SUSD4: variants seen among roughly 807,000 people sequenced by gnomAD.
The protein encoded by SUSD4 is sushi domain-containing protein 4.
A neutral mutation model predicts 50.5 loss-of-function variants in SUSD4; 41 were observed. That is an observed-to-expected ratio of 0.81 (90% CI 0.63 to 1.05). The LOEUF (loss-of-function observed/expected upper bound fraction) is 1.05. SUSD4 is among the 50% of genes least tolerant of loss of function. The pLI is 0.00. For missense variants in SUSD4, 580 were observed against 634.7 expected, an observed-to-expected ratio of 0.91 and a Z score of 0.93; for synonymous variants, 257 against 257.3, an observed-to-expected ratio of 1.00 and a Z score of 0.01.
At chr1:223,323,773 G>A (rs574335794) in intron 2 of SUSD4, among the ~76,000 whole-genome samples, 1 of 152,238 alleles carries the variant, frequency 6.6e-6, no homozygotes, top group East Asian at 1.9e-4. Flanking sequence ...AGCACTCAAG[G>A]CCAGGATGCT....
intron 5 of SUSD4, among the ~76,000 whole-genome samples, chr1:223,259,099 G>A (rs1396460694): frequency 1.3e-5 from 2 of 152,110 alleles, no homozygotes; most frequent in Non-Finnish European, 2.9e-5. Context: ...AGCCCCAGGG[G>A]GACAGAGACT....
rs1001547461 is a variant in SUSD4, at chr1:223,231,587, C to T, written c.725-2199G>A. ...CCACCAGGGTGCTCTGGGAGCATCT[C>T]CAGGAAATAAAGCAGAAGGAAGCAA... On this transcript the variant is annotated intron_variant, in intron 5 of 8. Transcript: ENST00000366878. The surrounding 1 kb of genome is among the most constrained non-coding windows in gnomAD (Gnocchi z 4.2). Among the ~76,000 whole-genome samples the T allele has an allele frequency of 6.6e-6, 1 of 152,108 alleles. No individual in the cohort carries two copies. Among genetic ancestry groups the T allele is most frequent in the Non-Finnish European group, 1.5e-5 (1 of 68,024 alleles).
At chr1:223,339,687 G>A (rs561757230) in intron 2 of SUSD4, among the ~76,000 whole-genome samples, 2 of 152,290 alleles carry the variant, frequency 1.3e-5, no homozygotes, top group African/African-American at 2.4e-5. Context: ...CCTTCTCAGC[G>A]TCTATGGGGG....
At chr1:223,319,696 G>A (rs1288308269) in intron 2 of SUSD4, among the ~76,000 whole-genome samples, 1 of 152,210 alleles carries the variant, frequency 6.6e-6, no homozygotes, top group East Asian at 1.9e-4. Context: ...AATAGGACCA[G>A]CTTCTTTTCT....
chr1:223,255,706 C>T (rs1014251076), intron 5 of SUSD4, among the ~76,000 whole-genome samples: 3 of 152,112 alleles, frequency 2.0e-5, no homozygotes, highest in African/African-American at 7.2e-5. Flanking sequence ...AATCAGAAGC[C>T]CTCCCTCTAC....
intron 5 of SUSD4, among the ~76,000 whole-genome samples, chr1:223,263,223 G>A (rs777244620): frequency 1.3e-5 from 2 of 152,134 alleles, no homozygotes; most frequent in Admixed American, 6.5e-5. Flanking sequence ...AGAGGTCCAC[G>A]GCCTACCAGC....
intron 5 of SUSD4, among the ~76,000 whole-genome samples, chr1:223,254,394 GA>G (rs1462110427): frequency 6.6e-6 from 1 of 152,122 alleles, no homozygotes; most frequent in East Asian, 1.9e-4. Context: ...AAAAGAGACA[GA>G]TAATTATAGG....
chr1:223,252,804 C>T (rs851203), intron 5 of SUSD4, among the ~76,000 whole-genome samples: 44,259 of 151,492 alleles, frequency 0.29, 6,839 homozygotes, highest in Non-Finnish European at 0.35. Context: ...AAGACGGGGT[C>T]AGAAAATGCA....
intron 5 of SUSD4, among the ~76,000 whole-genome samples, chr1:223,230,298 G>A (rs1242107191): frequency 6.6e-6 from 1 of 151,610 alleles, no homozygotes; most frequent in African/African-American, 2.4e-5. Flanking sequence ...CAGTGCTGCT[G>A]CTTAAACATT....
At chr1:223,336,478 CT>C (rs771487001) in intron 2 of SUSD4, among the ~76,000 whole-genome samples, 8 of 152,204 alleles carry the variant, frequency 5.3e-5, no homozygotes, top group Non-Finnish European at 1.2e-4. Context: ...TTGGAAGTGG[CT>C]GCCTCTGAGG....
intron 2 of SUSD4, among the ~76,000 whole-genome samples, chr1:223,300,254 C>T (rs1035311584): frequency 1.3e-5 from 2 of 152,176 alleles, no homozygotes; most frequent in African/African-American, 2.4e-5. Context: ...AGGAACAAAT[C>T]AGGAGGAGTA....
chr1:223,363,762 A>C, intron 1 of SUSD4: 1 of 252,438 alleles, frequency 4.0e-6, no homozygotes, highest in Non-Finnish European at 7.6e-6. Flanking sequence ...TGTGCCCACC[A>C]CAGGAAAGTC....
At chr1:223,329,985 A>C (rs181868018) in intron 2 of SUSD4, among the ~76,000 whole-genome samples, 1 of 152,282 alleles carries the variant, frequency 6.6e-6, no homozygotes, top group East Asian at 1.9e-4. Context: ...TGGACGGATG[A>C]CTGGACAGAC....
chr1:223,229,419 G>A lies in SUSD4; in HGVS notation c.725-31C>T. ...GCAGTAGGGGAGAATAAAAGTTTCAGAACCACAAGCTCACCTTTGTCTGAA... is the reference window on the plus strand; with the variant it reads ...GCAGTAGGGGAGAATAAAAGTTTCAAAACCACAAGCTCACCTTTGTCTGAA... On this transcript the variant is annotated intron_variant, in intron 5 of 8. Transcript: ENST00000366878. This position sits in a 1 kb window ranked among gnomAD's most constrained non-coding sequence, Gnocchi z 4.7. 6.4e-7 allele frequency: 1 copy of A among 1,559,286 alleles called. No individual in the cohort carries two copies. The highest frequency in any genetic ancestry group is 8.8e-7 in the Non-Finnish European group (1 of 1,141,036).
chr1:223,300,102 G>A (rs1333113505), intron 2 of SUSD4, among the ~76,000 whole-genome samples: 1 of 152,152 alleles, frequency 6.6e-6, no homozygotes, highest in African/African-American at 2.4e-5. Context: ...GTCATCTAGT[G>A]GGGAAAGCAC....
chr1:223,309,467 C>A (rs1665743555), intron 2 of SUSD4, among the ~76,000 whole-genome samples: 2 of 152,208 alleles, frequency 1.3e-5, no homozygotes, highest in Non-Finnish European at 2.9e-5. Flanking sequence ...CTAGGTTCTA[C>A]TCGCAGGTCA....
At chr1:223,311,020 A>C (rs1274627082) in intron 2 of SUSD4, among the ~76,000 whole-genome samples, 5 of 152,230 alleles carry the variant, frequency 3.3e-5, no homozygotes, top group Non-Finnish European at 7.3e-5. Flanking sequence ...GAAGGTCTGC[A>C]GTGCTGACAT....
intron 2 of SUSD4, among the ~76,000 whole-genome samples, chr1:223,357,494 T>G (rs1489895266): frequency 6.6e-6 from 1 of 152,234 alleles, no homozygotes; most frequent in Admixed American, 6.5e-5. Flanking sequence ...CCAGGTGAAC[T>G]TGGACAAGTT....
intron 2 of SUSD4, among the ~76,000 whole-genome samples, chr1:223,352,024 T>C (rs1028794485): frequency 6.6e-6 from 1 of 152,052 alleles, no homozygotes; most frequent in Non-Finnish European, 1.5e-5. Context: ...AGAAACCATG[T>C]AGCAAAGTGA....
Sources: allele counts gnomAD v4.1 joint callset (sites outside exome capture counted in the v4.1 genomes callset), GRCh38; gene constraint gnomAD v4.1.1; non-coding constraint Gnocchi (gnomAD v3.1); transcripts MANE v1.5; gene names NCBI Gene and HGNC (gene_info 2026-07-23, HGNC 2026-07-21).